HPD: variants seen among roughly 807,000 people sequenced by gnomAD.
The protein encoded by HPD is 4-hydroxyphenylpyruvic acid oxidase.
A neutral mutation model predicts 56.9 loss-of-function variants in HPD; 35 were observed. The ratio of observed to expected loss-of-function variants is 0.62; its 90% CI spans 0.47 to 0.82. The LOEUF is 0.82. Among genes scored for constraint, HPD ranks in the 40% least tolerant of loss-of-function variants. The probability of loss-of-function intolerance (pLI) is 0.00; values close to 1 mark genes in which losing one functional copy is unlikely to be tolerated. For missense variants in HPD, 442 were observed against 506.8 expected, an observed-to-expected ratio of 0.87 and a Z score of 1.23; for synonymous variants, 186 against 200.2, an observed-to-expected ratio of 0.93 and a Z score of 0.60.
the HPD span, among the ~76,000 whole-genome samples, chr12:121,880,562 T>C: frequency 6.6e-6 from 1 of 152,220 alleles, no homozygotes; most frequent in South Asian, 2.1e-4. Context: ...AGAAACAGCA[T>C]GGATGGTGAT....
chr12:121,881,224 T>C, the HPD span, among the ~76,000 whole-genome samples: 1 of 152,214 alleles, frequency 6.6e-6, no homozygotes, highest in Admixed American at 6.5e-5. Context: ...TGAATAAAAA[T>C]AGGATGATTT....
chr12:121,845,271 C>T lies in HPD; in HGVS notation c.832-1439G>A, dbSNP rs1344312626. Among the ~76,000 whole-genome samples, 2 of 149,234 alleles carry T rather than the reference C, an allele frequency of 1.3e-5. 1 individual carries two copies. The highest frequency in any genetic ancestry group is 5.2e-5 in the African/African-American group (2 of 38,820). ...CTAGAACCACAGGTGTGCACCACCA[C>T]ACCTGGCTAATTTTTTGATTTTTTT... On this transcript the variant is annotated intron_variant, in intron 11 of 13. Transcript: ENST00000289004.
At chr12:121,873,849 C>T in the HPD span, among the ~76,000 whole-genome samples, 6 of 150,054 alleles carry the variant, frequency 4.0e-5, no homozygotes, top group Admixed American at 1.3e-4. Flanking sequence ...CCAGGCATGG[C>T]GGTTCACGCC....
chr12:121,847,345 C>A, intron 9 of HPD, 131 bp from the exon 10 acceptor site: 1 of 794,006 alleles, frequency 1.3e-6, no homozygotes, highest in Non-Finnish European at 2.2e-6. Context: ...TCATACCCAT[C>A]AGAGATTTAG....
chr12:121,842,428 G>C (rs1403152556), intron 12 of HPD, among the ~76,000 whole-genome samples: 1 of 151,812 alleles, frequency 6.6e-6, no homozygotes, highest in Non-Finnish European at 1.5e-5. Flanking sequence ...ACTGTGTCTG[G>C]CCTAACTGTT....
In HPD at chr12:121,854,695, G is replaced by A. The variant is rs1440060566; in HGVS notation, c.414+8C>T. 1 of 1,603,022 alleles carries A rather than the reference G, an allele frequency of 6.2e-7. No homozygotes were observed. The highest frequency in any genetic ancestry group is 2.2e-5 in the East Asian group (1 of 44,818). On this transcript the variant is annotated splice_region_variant and intron_variant, in intron 7 of 13. Coordinates refer to ENST00000289004, the MANE Select transcript of HPD (RefSeq NM_002150.3). ...GCAGGAGGGGTGGGGGCACCAAAGG[G>A]AACTCACCGTCTGCAGCACAGCAAA...
the HPD span, among the ~76,000 whole-genome samples, chr12:121,870,813 C>A: frequency 6.6e-6 from 1 of 151,806 alleles, no homozygotes; most frequent in Non-Finnish European, 1.5e-5. Flanking sequence ...TCAGGCTGGT[C>A]GTGAACTCCC....
the HPD span, among the ~76,000 whole-genome samples, chr12:121,870,162 A>C: frequency 1.6e-4 from 25 of 151,746 alleles, no homozygotes; most frequent in African/African-American, 5.8e-4. Context: ...TTACCTCTGG[A>C]GGCAGCACAC....
At chr12:121,883,688 T>C in the HPD span, among the ~76,000 whole-genome samples, 1 of 151,140 alleles carries the variant, frequency 6.6e-6, no homozygotes, top group Non-Finnish European at 1.5e-5. Flanking sequence ...CTTTCTTTTT[T>C]TTTTTTTTTT....
At chr12:121,882,984 T>A in the HPD span, among the ~76,000 whole-genome samples, 3 of 152,186 alleles carry the variant, frequency 2.0e-5, no homozygotes, top group Admixed American at 6.6e-5. Context: ...CGCCTCGGCC[T>A]CCCAAAGTGC....
At chr12:121,866,997 T>A (rs1878344842), upstream of HPD, among the ~76,000 whole-genome samples, 2 of 152,116 alleles carry the variant, frequency 1.3e-5, no homozygotes, top group Admixed American at 6.6e-5. Context: ...TTTTCTAGAA[T>A]GTCATATAAA....
At chr12:121,881,131 C>T in the HPD span, among the ~76,000 whole-genome samples, 175 of 152,324 alleles carry the variant, frequency 1.1e-3, no homozygotes, top group African/African-American at 3.2e-3. Context: ...CTCTGCTCCA[C>T]GCTCTGCCCA....
chr12:121,842,745 T>G (rs1877449738), intron 12 of HPD, among the ~76,000 whole-genome samples: 1 of 88,444 alleles, frequency 1.1e-5, no homozygotes, highest in African/African-American at 5.1e-5. Context: ...ATGGATCTTT[T>G]TTTTTTTTTT....
In HPD at chr12:121,839,735, C is replaced by T. The variant is rs750640208; in HGVS notation, c.1175G>A (p.Gly392Asp). The change falls in exon 14 of 14, where the codon GGC (glycine) becomes GAC (aspartate). Residue 392 changes from glycine (G) to aspartate (D), a missense_variant. Transcript: ENST00000289004. ...CCGTGGGGTGGGCGGGGCTTACATG[C>T]CGGGCACCACCCCATTGGTCTCCAT... ...TNMETNGVVP[G>D]M 18 of 1,610,910 alleles carry T rather than the reference C, an allele frequency of 1.1e-5. No homozygotes were observed. In the South Asian group the frequency reaches 1.3e-4, roughly 12 times the overall value.
the HPD span, among the ~76,000 whole-genome samples, chr12:121,875,375 A>T: frequency 6.9e-6 from 1 of 144,142 alleles, no homozygotes; most frequent in East Asian, 2.1e-4. Flanking sequence ...TGGTGTAGAT[A>T]CTCTGTATGG....
At chr12:121,886,115 T>G in the HPD span, among the ~76,000 whole-genome samples, 2 of 149,706 alleles carry the variant, frequency 1.3e-5, no homozygotes, top group African/African-American at 4.9e-5. Flanking sequence ...TTTAGTTTTT[T>G]TTTTTTTTTT....
chr12:121,853,180 G>A (rs1001046306), intron 7 of HPD, among the ~76,000 whole-genome samples: 7 of 152,098 alleles, frequency 4.6e-5, no homozygotes, highest in African/African-American at 1.7e-4. Context: ...TGTCAGGTGG[G>A]GGAGGTCGGG....
At chr12:121,887,067 CTT>C in the HPD span, among the ~76,000 whole-genome samples, 1 of 151,946 alleles carries the variant, frequency 6.6e-6, no homozygotes, top group Non-Finnish European at 1.5e-5. Context: ...GCCTTGGTAA[CTT>C]TTGTATTTTT....
chr12:121,849,030 G>A lies in HPD; in HGVS notation c.565C>T (p.Pro189Ser). ...GAGGCGGACACCATCTCCTGATCAGGCTGGTTTCCCACAATGTGGTCGATC... is the reference window on the plus strand; with the variant it reads ...GAGGCGGACACCATCTCCTGATCAGACTGGTTTCCCACAATGTGGTCGATC... ...EMIDHIVGNQ[P>S]DQEMVSASEW... Residue 189 changes from proline to serine, a missense_variant, in exon 9 of 14, where the codon CCT (proline) becomes TCT (serine). By Grantham distance (74) the Pro-to-Ser change is moderately conservative. Coordinates refer to ENST00000289004, the MANE Select transcript of HPD (RefSeq NM_002150.3). 1 of 1,613,892 alleles carries A rather than the reference G, an allele frequency of 6.2e-7. No individual in the cohort carries two copies. Among genetic ancestry groups the A allele is most frequent in the African/African-American group, 1.3e-5 (1 of 75,022 alleles).
Sources: gnomAD v4.1 joint callset for allele counts (sites outside exome capture counted in the v4.1 genomes callset) on GRCh38, gnomAD v4.1.1 for gene constraint, MANE v1.5 for transcripts, NCBI Gene and HGNC (gene_info 2026-07-23, HGNC 2026-07-21) for gene names.